CDKN2B-AS1: variants seen among roughly 807,000 people sequenced by gnomAD.
The protein encoded by CDKN2B-AS1 is CDKN2B and CDKN2A antisense cis and trans regulatory RNA 1, also known as CDKN2B antisense RNA 1 (non-protein coding).
intron 1 of CDKN2B-AS1, among the ~76,000 whole-genome samples, chr9:22,026,747 C>A (rs905868258): frequency 1.7e-4 from 26 of 152,184 alleles, no homozygotes; most frequent in African/African-American, 6.3e-4. Context: ...CCCAGACACC[C>A]AGAAAGCTGG....
Position 22,100,740 on chromosome 9 carries a change from T to G in CDKN2B-AS1, n.439-26363T>G, listed in dbSNP as rs117173782. 9.5e-4 allele frequency among the ~76,000 whole-genome samples: 145 copies of G among 152,340 alleles called. 2 individuals carry two copies. In the East Asian group the frequency reaches 0.027, roughly 29 times the overall value. ...CTTTTTAAGAAACTGTTTTCCAAAG[T>G]GGCTGTAACAGTTTACACTTCTACT... On this transcript the variant is annotated intron_variant and non_coding_transcript_variant, in intron 4 of 4. Coordinates refer to ENST00000650946, the Ensembl canonical transcript of CDKN2B-AS1.
chr9:22,104,698 G>C (rs1007735317), intron 4 of CDKN2B-AS1, among the ~76,000 whole-genome samples: 1 of 151,912 alleles, frequency 6.6e-6, no homozygotes, highest in Non-Finnish European at 1.5e-5. Flanking sequence ...TTTGTTTTTT[G>C]TTCATTTACT....
At chr9:22,021,323 G>A (rs549512670) in intron 1 of CDKN2B-AS1, among the ~76,000 whole-genome samples, 4 of 152,162 alleles carry the variant, frequency 2.6e-5, no homozygotes, top group Admixed American at 2.6e-4. Context: ...TTTGGTTGCT[G>A]TAGCCCTGTA....
At chr9:22,050,626 G>A (rs945131801) in intron 3 of CDKN2B-AS1, among the ~76,000 whole-genome samples, 2 of 152,182 alleles carry the variant, frequency 1.3e-5, no homozygotes, top group African/African-American at 4.8e-5. Flanking sequence ...AGCAGTGATT[G>A]CTTTGGCTAG....
chr9:22,126,504 C>G (rs1011766093), intron 4 of CDKN2B-AS1, among the ~76,000 whole-genome samples: 9 of 150,758 alleles, frequency 6.0e-5, no homozygotes, highest in African/African-American at 2.2e-4. Flanking sequence ...GCTTATCTTT[C>G]GAAAGAGGTG....
intron 4 of CDKN2B-AS1, among the ~76,000 whole-genome samples, chr9:22,057,678 G>A (rs968266603): frequency 2.0e-5 from 3 of 152,008 alleles, no homozygotes; most frequent in Admixed American, 6.6e-5. Flanking sequence ...TGTGGTGGTG[G>A]GCACCTGGAG....
chr9:22,120,625 C>G (rs1197807406), intron 4 of CDKN2B-AS1: 2 of 151,960 alleles, frequency 1.3e-5, no homozygotes, highest in Non-Finnish European at 2.9e-5. Context: ...AAAAAATAAC[C>G]TTGTTTCAAA....
At chr9:22,103,242 A>G (rs1485458168) in intron 4 of CDKN2B-AS1, among the ~76,000 whole-genome samples, 1 of 151,148 alleles carries the variant, frequency 6.6e-6, no homozygotes, top group East Asian at 1.9e-4. Context: ...TATCCCAACT[A>G]TGACTGGGCA....
At chr9:22,059,367 C>T (rs1439362222) in intron 4 of CDKN2B-AS1, among the ~76,000 whole-genome samples, 2 of 152,194 alleles carry the variant, frequency 1.3e-5, no homozygotes, top group Non-Finnish European at 2.9e-5. Flanking sequence ...AGGGCCCATG[C>T]AAGTCCAAAA....
rs138370908 is a variant in CDKN2B-AS1, at chr9:22,102,010, G to A, written n.439-25093G>A. Among the ~76,000 whole-genome samples, 290 of 152,256 alleles carry A rather than the reference G, an allele frequency of 1.9e-3. 1 individual carries two copies. Among genetic ancestry groups the A allele is most frequent in the African/African-American group, 6.7e-3 (280 of 41,550 alleles). ...ACCAACTGCCTATGGTCATAACTCA[G>A]CTCTCAGACACATTTTGTTGTGCCC... On this transcript the variant is annotated intron_variant and non_coding_transcript_variant, in intron 4 of 4. Coordinates refer to ENST00000650946, the Ensembl canonical transcript of CDKN2B-AS1.
At chr9:22,124,652 G>A (rs1308616209) in intron 4 of CDKN2B-AS1, among the ~76,000 whole-genome samples, 1 of 151,922 alleles carries the variant, frequency 6.6e-6, no homozygotes, top group Non-Finnish European at 1.5e-5. Flanking sequence ...TGTTTTTCTA[G>A]TTGAGCTATC....
intron 4 of CDKN2B-AS1, chr9:22,120,606 G>C (rs1476168526): frequency 6.6e-6 from 1 of 151,836 alleles, no homozygotes; most frequent in African/African-American, 2.4e-5. Flanking sequence ...TCTACTAATG[G>C]TTTTTTTAAA....
At chr9:22,026,959 G>GA (rs1236370166) in intron 1 of CDKN2B-AS1, among the ~76,000 whole-genome samples, 5 of 152,108 alleles carry the variant, frequency 3.3e-5, no homozygotes, top group Admixed American at 3.3e-4. Flanking sequence ...AGTTTCCCTT[G>GA]ACTCCACGTC....
At chr9:22,083,225 G>A (rs1468904046) in intron 4 of CDKN2B-AS1, among the ~76,000 whole-genome samples, 1 of 152,148 alleles carries the variant, frequency 6.6e-6, no homozygotes, top group East Asian at 1.9e-4. Flanking sequence ...CTATAGACCT[G>A]GTAATTAGCA....
intron 4 of CDKN2B-AS1, among the ~76,000 whole-genome samples, chr9:22,070,947 T>G (rs1824261978): frequency 6.6e-6 from 1 of 152,106 alleles, no homozygotes; most frequent in South Asian, 2.1e-4. Flanking sequence ...TCAGTTATCT[T>G]GTGATACATG....
intron 4 of CDKN2B-AS1, among the ~76,000 whole-genome samples, chr9:22,101,670 A>ACG (rs1418708484): frequency 7.1e-5 from 8 of 113,352 alleles, no homozygotes; most frequent in African/African-American, 2.0e-4. Context: ...TCTTCAACAC[A>ACG]CACACACACA....
At chr9:22,041,147 G>A (rs1822879567) in intron 1 of CDKN2B-AS1, among the ~76,000 whole-genome samples, 1 of 151,940 alleles carries the variant, frequency 6.6e-6, no homozygotes, top group Non-Finnish European at 1.5e-5. Context: ...ATAAAACTGG[G>A]ATAAAGAGAA....
intron 1 of CDKN2B-AS1, among the ~76,000 whole-genome samples, chr9:22,015,282 AC>A: frequency 6.6e-6 from 1 of 151,628 alleles, no homozygotes; most frequent in Non-Finnish European, 1.5e-5. Context: ...TTTTTTCCTG[AC>A]TTTTTTTTTC....
chr9:22,109,142 G>A (rs2131365210), intron 4 of CDKN2B-AS1, among the ~76,000 whole-genome samples: 1 of 152,244 alleles, frequency 6.6e-6, no homozygotes, highest in South Asian at 2.1e-4. Flanking sequence ...ATAAAGATAA[G>A]CCAAGGAATG....
Sources: allele counts gnomAD v4.1 joint callset (sites outside exome capture counted in the v4.1 genomes callset), GRCh38; gene constraint gnomAD v4.1.1; transcripts MANE v1.5; gene names NCBI Gene and HGNC (gene_info 2026-07-23, HGNC 2026-07-21).